MARCHF8: variants seen among roughly 807,000 people sequenced by gnomAD.
MARCHF8 encodes E3 ubiquitin-protein ligase MARCHF8.
Under a neutral mutation model 51.6 loss-of-function variants are expected in MARCHF8, and 40 were observed. That is an observed-to-expected ratio of 0.77 (90% CI 0.60 to 1.01). MARCHF8 has a LOEUF of 1.01. MARCHF8 is among the 50% of genes least tolerant of loss of function. The pLI is 0.00. For synonymous variants in MARCHF8, 263 were observed against 280.3 expected (o/e 0.94, Z 0.62); for missense variants, 685 against 708.6 (o/e 0.97, Z 0.38).
At chr10:45,557,951 T>C (rs2133357596) in intron 1 of MARCHF8, among the ~76,000 whole-genome samples, 1 of 152,304 alleles carries the variant, frequency 6.6e-6, no homozygotes, top group East Asian at 1.9e-4. Context: ...AAAAATGACT[T>C]AGCTATAAAT....
chr10:45,541,218 C>T (rs1207851831), intron 1 of MARCHF8, among the ~76,000 whole-genome samples: 2 of 152,162 alleles, frequency 1.3e-5, no homozygotes, highest in African/African-American at 2.4e-5. Flanking sequence ...GGCACATATA[C>T]ACCATGGAAT....
chr10:45,532,265 C>A (rs1437709366), intron 2 of MARCHF8, among the ~76,000 whole-genome samples: 1 of 152,232 alleles, frequency 6.6e-6, no homozygotes, highest in Admixed American at 6.5e-5. Flanking sequence ...TAACCACCTA[C>A]AGTAAACCTG....
intron 1 of MARCHF8, among the ~76,000 whole-genome samples, chr10:45,588,190 A>G (rs566762788): frequency 2.6e-5 from 4 of 152,250 alleles, no homozygotes; most frequent in South Asian, 2.1e-4. Context: ...AAATCCTTAC[A>G]AACTGTGAAA....
At chr10:45,557,116 CTTTTTTTTTTT>C (rs58172142) in intron 1 of MARCHF8, among the ~76,000 whole-genome samples, 1 of 66,206 alleles carries the variant, frequency 1.5e-5, no homozygotes, top group South Asian at 6.2e-4. Context: ...GGTGCCTATT[CTTTTTTTTTTT>C]TTTTTTTTTT....
intron 1 of MARCHF8, among the ~76,000 whole-genome samples, chr10:45,563,806 A>G (rs1470701849): frequency 6.6e-6 from 1 of 152,220 alleles, no homozygotes; most frequent in African/African-American, 2.4e-5. Context: ...GACATACCCA[A>G]TGAATAGCAC....
At chr10:45,502,675 T>C (rs1003061829) in intron 2 of MARCHF8, among the ~76,000 whole-genome samples, 1 of 152,208 alleles carries the variant, frequency 6.6e-6, no homozygotes, top group South Asian at 2.1e-4. Context: ...GAGACCTGTT[T>C]ACCTAAAACT....
intron 1 of MARCHF8, among the ~76,000 whole-genome samples, chr10:45,543,704 C>T (rs762208171): frequency 1.8e-4 from 27 of 146,440 alleles, no homozygotes; most frequent in Non-Finnish European, 3.3e-4. Flanking sequence ...AGGCTGAGGC[C>T]GGAGAATGGC....
chr10:45,513,929 C>G (rs1159675363), intron 2 of MARCHF8, among the ~76,000 whole-genome samples: 3 of 152,140 alleles, frequency 2.0e-5, no homozygotes, highest in Admixed American at 6.5e-5. Context: ...TAGAAAATAG[C>G]AATAGAGCCT....
intron 2 of MARCHF8, among the ~76,000 whole-genome samples, chr10:45,498,471 C>G (rs2043215379): frequency 6.7e-6 from 1 of 149,810 alleles, no homozygotes; most frequent in Non-Finnish European, 1.5e-5. Context: ...CGTGTTGTAG[C>G]ATGTGTCAGA....
rs926867256 is a variant in MARCHF8 at position 45,543,845 on chromosome 10, C to T, written c.-78-10556G>A. On this transcript the variant is annotated intron_variant, in intron 1 of 6. Coordinates refer to the MARCHF8 transcript ENST00000319836. Reference sequence around the variant, plus strand: ...AGACTTGTATCTAGAATAAAGAACTCCTACGTTAAGACAAACAACATAATT... The same window carrying T: ...AGACTTGTATCTAGAATAAAGAACTTCTACGTTAAGACAAACAACATAATT... Among the ~76,000 whole-genome samples, 12 of 149,924 alleles carry T rather than the reference C, an allele frequency of 8.0e-5. 1 individual carries two copies. Among genetic ancestry groups the T allele is most frequent in the Non-Finnish European group, 5.9e-5 (4 of 67,500 alleles).
At chr10:45,461,930 CT>C (rs1254692914) in intron 5 of MARCHF8, 1 of 152,238 alleles carries the variant, frequency 6.6e-6, no homozygotes, top group South Asian at 2.1e-4. Flanking sequence ...TACCTCTCTC[CT>C]AGACCTAAAA....
intron 1 of MARCHF8, among the ~76,000 whole-genome samples, chr10:45,563,792 A>G (rs2044335784): frequency 1.3e-5 from 2 of 152,242 alleles, no homozygotes; most frequent in Non-Finnish European, 2.9e-5. Flanking sequence ...TATTATTTAC[A>G]TAAGACATAC....
intron 2 of MARCHF8, among the ~76,000 whole-genome samples, chr10:45,509,701 G>T (rs1182494986): frequency 6.6e-6 from 1 of 152,206 alleles, no homozygotes; most frequent in East Asian, 1.9e-4. Context: ...GGCTTACAGA[G>T]TTCCCAGCCT....
intron 1 of MARCHF8, among the ~76,000 whole-genome samples, chr10:45,556,074 C>A (rs993041499): frequency 6.6e-6 from 1 of 151,928 alleles, no homozygotes; most frequent in Non-Finnish European, 1.5e-5. Flanking sequence ...TGTTTCAAAG[C>A]AAAAAAATCA....
intron 1 of MARCHF8, among the ~76,000 whole-genome samples, chr10:45,560,467 G>C (rs1022516437): frequency 6.6e-6 from 1 of 152,170 alleles, no homozygotes; most frequent in African/African-American, 2.4e-5. Flanking sequence ...ACTCCGGGGA[G>C]GGCGACCATG....
chr10:45,519,838 G>A (rs945835244), intron 2 of MARCHF8, among the ~76,000 whole-genome samples: 10 of 152,172 alleles, frequency 6.6e-5, no homozygotes, highest in African/African-American at 1.9e-4. Flanking sequence ...ACATTTCAGA[G>A]GTGGAATCAG....
At chr10:45,543,977 A>AG (rs2044088516) in intron 1 of MARCHF8, among the ~76,000 whole-genome samples, 1 of 152,100 alleles carries the variant, frequency 6.6e-6, no homozygotes, top group African/African-American at 2.4e-5. Context: ...CTGAGGCAAG[A>AG]GGGTCGTTTG....
intron 2 of MARCHF8, among the ~76,000 whole-genome samples, chr10:45,518,346 G>A (rs2043653009): frequency 6.6e-6 from 1 of 152,192 alleles, no homozygotes; most frequent in African/African-American, 2.4e-5. Flanking sequence ...ACAGAACGCA[G>A]TTTGCAGCTT....
chr10:45,541,466 T>A (rs1342953177), intron 1 of MARCHF8, among the ~76,000 whole-genome samples: 1 of 152,132 alleles, frequency 6.6e-6, no homozygotes, highest in African/African-American at 2.4e-5. Context: ...ATATACCTAA[T>A]GTAAATGAAG....
Sources: gnomAD v4.1 joint callset for allele counts (sites outside exome capture counted in the v4.1 genomes callset) on GRCh38, gnomAD v4.1.1 for gene constraint, MANE v1.5 for transcripts, NCBI Gene and HGNC (gene_info 2026-07-23, HGNC 2026-07-21) for gene names.